RBFOX1: variants seen among roughly 807,000 people sequenced by gnomAD.
RBFOX1 encodes the protein RNA binding fox-1 homolog 1.
Under a neutral mutation model 57.7 loss-of-function variants are expected in RBFOX1, and 8 were observed. The observed-to-expected ratio is 0.14, with a 90% CI of 0.08 to 0.25. The LOEUF (loss-of-function observed/expected upper bound fraction) is 0.25. Among genes scored for constraint, RBFOX1 ranks in the 10% least tolerant of loss-of-function variants. RBFOX1 has a pLI of 1.00. For synonymous variants in RBFOX1, 326 were observed against 222.4 expected (o/e 1.47, Z -4.15); for missense variants, 611 against 548.5 (o/e 1.11, Z -1.14).
At chr16:6,216,777 C>G (rs1032933146) in intron 1 of RBFOX1, among the ~76,000 whole-genome samples, 4 of 152,108 alleles carry the variant, frequency 2.6e-5, no homozygotes, top group Non-Finnish European at 2.9e-5. Flanking sequence ...AAAGCAAATT[C>G]TTTTATTTCT....
At chr16:7,528,116 G>A (rs1369757025) in intron 5 of RBFOX1, among the ~76,000 whole-genome samples, 2 of 152,154 alleles carry the variant, frequency 1.3e-5, no homozygotes, top group Admixed American at 1.3e-4. Context: ...TAAGACCCAA[G>A]GACATCTTGC....
At chr16:5,244,436 G>A (rs2062244765) in intron 1 of RBFOX1, among the ~76,000 whole-genome samples, 1 of 152,180 alleles carries the variant, frequency 6.6e-6, no homozygotes. Flanking sequence ...AGGGATGTGG[G>A]CAGGCAGGGT....
intron 2 of RBFOX1, among the ~76,000 whole-genome samples, chr16:6,408,205 C>G (rs141189883): frequency 6.6e-6 from 1 of 152,054 alleles, no homozygotes; most frequent in African/African-American, 2.4e-5. Context: ...ATTTTGTTAT[C>G]ACAGCTCAGG....
chr16:7,144,188 T>G (rs1384954163), intron 4 of RBFOX1, among the ~76,000 whole-genome samples: 1 of 152,144 alleles, frequency 6.6e-6, no homozygotes, highest in African/African-American at 2.4e-5. Context: ...GATAGACGGA[T>G]AGACTCCATT....
chr16:7,582,858 A>G (rs1420942057), intron 6 of RBFOX1, among the ~76,000 whole-genome samples: 1 of 152,150 alleles, frequency 6.6e-6, no homozygotes, highest in Admixed American at 6.5e-5. Context: ...ATGGGATTTC[A>G]AAGTCAAAAG....
intron 1 of RBFOX1, among the ~76,000 whole-genome samples, chr16:6,313,125 A>T (rs990008594): frequency 6.6e-6 from 1 of 152,114 alleles, no homozygotes; most frequent in Non-Finnish European, 1.5e-5. Flanking sequence ...GTGGCAGGTG[A>T]GGAGTAAAGT....
chr16:5,361,669 AGGTAGAT>A (rs2065555580), intron 1 of RBFOX1, among the ~76,000 whole-genome samples: 1 of 152,198 alleles, frequency 6.6e-6, no homozygotes, highest in South Asian at 2.1e-4. Context: ...GTTGGAATGA[AGGTAGAT>A]GGTTGCCGAG....
chr16:5,849,439 C>G (rs2056837631), intron 3 of RBFOX1, among the ~76,000 whole-genome samples: 1 of 152,122 alleles, frequency 6.6e-6, no homozygotes, highest in African/African-American at 2.4e-5. Context: ...CTACAATCCT[C>G]TGCTACAGAA....
intron 1 of RBFOX1, among the ~76,000 whole-genome samples, chr16:6,159,991 C>T (rs2096866371): frequency 6.6e-6 from 1 of 152,132 alleles, no homozygotes; most frequent in African/African-American, 2.4e-5. Flanking sequence ...TTACTTAAAC[C>T]TCTTCCCACC....
chr16:7,677,132 T>TACACATACACACACACACACAC (rs71394335), intron 14 of RBFOX1, among the ~76,000 whole-genome samples: 10 of 137,952 alleles, frequency 7.2e-5, no homozygotes, highest in Non-Finnish European at 1.6e-4. Flanking sequence ...CACATACACA[T>TACACATACACACACACACACAC]ACACACACAC....
intron 4 of RBFOX1, among the ~76,000 whole-genome samples, chr16:5,941,758 A>G (rs957293967): frequency 6.6e-6 from 1 of 152,056 alleles, no homozygotes; most frequent in Non-Finnish European, 1.5e-5. Context: ...TAGGAAGACT[A>G]AAACCTCTTC....
intron 2 of RBFOX1, among the ~76,000 whole-genome samples, chr16:6,325,869 C>T (rs920329867): frequency 6.6e-6 from 1 of 152,202 alleles, no homozygotes; most frequent in African/African-American, 2.4e-5. Flanking sequence ...TGGTTATTTG[C>T]AGATCCTTGC....
intron 2 of RBFOX1, among the ~76,000 whole-genome samples, chr16:5,561,358 G>A (rs529198390): frequency 6.5e-4 from 99 of 152,118 alleles, no homozygotes; most frequent in African/African-American, 2.4e-3. Flanking sequence ...GCTAAAAAGG[G>A]GACCTATAGC....
At chr16:7,154,781 T>C (rs953619911) in intron 4 of RBFOX1, among the ~76,000 whole-genome samples, 4 of 151,510 alleles carry the variant, frequency 2.6e-5, no homozygotes, top group African/African-American at 9.7e-5. Flanking sequence ...TCAGTGAGTA[T>C]GGGATACATA....
chr16:5,715,302 G>A (rs894113603), intron 3 of RBFOX1, among the ~76,000 whole-genome samples: 2 of 152,096 alleles, frequency 1.3e-5, no homozygotes, highest in African/African-American at 4.8e-5. Context: ...TGTAAATTGT[G>A]GGTGTCCACT....
At position 5,847,035 on chromosome 16, in the gene RBFOX1, T is replaced by A. The variant is rs142621206; in HGVS notation, c.319-20268T>A. On this transcript the variant is annotated intron_variant, in intron 3 of 19. Coordinates refer to the RBFOX1 transcript ENST00000641259. ...AAGAGGAGGGGAGAGAAGAAAGAGC[T>A]TCCAGGAAGGTGTTGAACCCACTAG... Among the ~76,000 whole-genome samples the A allele has an allele frequency of 9.9e-5, 15 of 152,276 alleles. No individual in the cohort carries two copies. In the East Asian group the frequency reaches 2.5e-3, roughly 25 times the overall value.
At chr16:5,424,131 C>G (rs935347273) in intron 1 of RBFOX1, among the ~76,000 whole-genome samples, 1 of 152,186 alleles carries the variant, frequency 6.6e-6, no homozygotes, top group Non-Finnish European at 1.5e-5. Flanking sequence ...TCAGTAATCC[C>G]TCATGGTTAA....
At chr16:5,638,750 G>A (rs538447580) in intron 3 of RBFOX1, among the ~76,000 whole-genome samples, 1 of 152,316 alleles carries the variant, frequency 6.6e-6, no homozygotes, top group Non-Finnish European at 1.5e-5. Context: ...TAGAGCTTGA[G>A]TAGGATCCTG....
At chr16:5,830,227 G>A (rs1474026970) in intron 3 of RBFOX1, among the ~76,000 whole-genome samples, 1 of 152,042 alleles carries the variant, frequency 6.6e-6, no homozygotes, top group Non-Finnish European at 1.5e-5. Flanking sequence ...GGCAGAATTA[G>A]GAAAACCCTC....
Sources: gnomAD v4.1 joint callset for allele counts (sites outside exome capture counted in the v4.1 genomes callset) on GRCh38, gnomAD v4.1.1 for gene constraint, MANE v1.5 for transcripts, NCBI Gene and HGNC (gene_info 2026-07-23, HGNC 2026-07-21) for gene names.